The following DNAH12 variants were observed in gnomAD, a reference collection of about 807,000 sequenced individuals.
The protein encoded by DNAH12 is axonemal beta dynein heavy chain 12.
A neutral mutation model predicts 371.5 loss-of-function variants in DNAH12; 285 were observed. That is an observed-to-expected ratio of 0.77 (90% CI 0.70 to 0.85). The LOEUF is 0.85. DNAH12 is among the 40% of genes least tolerant of loss of function. The pLI is 0.00. For synonymous variants in DNAH12, 1,200 were observed against 1,213.0 expected, an observed-to-expected ratio of 0.99 and a Z score of 0.22; for missense variants, 3,611 against 3,689.4, an observed-to-expected ratio of 0.98 and a Z score of 0.55.
rs918233066 is a variant in DNAH12, at chr3:57,446,580, A to C, written c.3896T>G (p.Val1299Gly). ...LAKALAVQCV[V>G]FNCSDGLDYL... ...ATCTAGCCCATCAGAACAGTTGAAC[A>C]CCACACACTGTACAGCAAGAGCTTT... Residue 1299 changes from valine to glycine, a missense_variant, in exon 26 of 74, where the codon GTG (valine) becomes GGG (glycine). Physicochemically the swap from Val to Gly is moderately radical, Grantham distance 109. Transcript: ENST00000495027. The C allele has an allele frequency of 1.3e-6, 2 of 1,549,094 alleles. No individual in the cohort carries two copies. The highest frequency in any genetic ancestry group is 1.7e-6 in the Non-Finnish European group (2 of 1,145,942).
intron 33 of DNAH12, among the ~76,000 whole-genome samples, 186 bp downstream of exon 33, chr3:57,429,505 T>C (rs1021364977): frequency 3.9e-5 from 6 of 152,202 alleles, no homozygotes; most frequent in Admixed American, 2.6e-4. Flanking sequence ...AGCACTAACA[T>C]GTAGCTGTGT....
Position 57,376,987 on chromosome 3 carries a change from T to G in DNAH12, c.8459A>C (p.Lys2820Thr), listed in dbSNP as rs1206771699. 6.6e-6 allele frequency: 1 copy of G among 152,152 alleles called. No individual in the cohort carries two copies. Among genetic ancestry groups the G allele is most frequent in the Admixed American group, 6.6e-5 (1 of 15,258 alleles). The allele number at this position is 152,152 out of a possible 1,614,324, so 9.4% of individuals were successfully genotyped here. Reference sequence around the variant, plus strand: ...AAACAAATAGAAATCTGACCTTGATTTTTCTCCACCCAGTCCTCCAATTAA... The same window carrying G: ...AAACAAATAGAAATCTGACCTTGATGTTTCTCCACCCAGTCCTCCAATTAA... ...SQLIGGLGGE[K>T]SRWAQAADDL... Residue 2820 changes from lysine to threonine, a missense_variant, in exon 53 of 74, where the codon AAA becomes ACA. Coordinates refer to ENST00000495027, the MANE Select transcript of DNAH12 (RefSeq NM_001366028.2).
rs149920774 is a variant in DNAH12, at chr3:57,457,847, G to A, written c.3210C>T (p.Gly1070=). The A allele has an allele frequency of 5.8e-6, 9 of 1,551,564 alleles. No homozygotes were observed. Among genetic ancestry groups the A allele is most frequent in the East Asian group, 4.9e-5 (2 of 40,902 alleles). ...TGAGTGCAATCAGCTCCACTCGCTCGCCCTCAGAGCTATACATGGCTTTAA... is the reference window on the plus strand; with the variant it reads ...TGAGTGCAATCAGCTCCACTCGCTCACCCTCAGAGCTATACATGGCTTTAA... The part of the protein sequence containing the change: ...LDIKAMYSSE[G]ERVELIALIS... The change falls in exon 22 of 74, where the codon GGC becomes GGT. Residue 1070 remains glycine, a synonymous_variant. Coordinates refer to ENST00000495027, the MANE Select transcript of DNAH12 (RefSeq NM_001366028.2).
chr3:57,482,894 G>A (rs1311659319), intron 13 of DNAH12, among the ~76,000 whole-genome samples: 2 of 139,968 alleles, frequency 1.4e-5, no homozygotes, highest in South Asian at 2.5e-4. Flanking sequence ...GACACAGGAA[G>A]GGGAACATCA....
At chr3:57,298,521 G>A (rs1559531673) in intron 70 of DNAH12, among the ~76,000 whole-genome samples, 1 of 152,210 alleles carries the variant, frequency 6.6e-6, no homozygotes, top group Non-Finnish European at 1.5e-5. Flanking sequence ...AGCTCCTGGA[G>A]TTTGCAGTTA....
At chr3:57,413,535 C>CG (rs1271119449) in intron 39 of DNAH12, among the ~76,000 whole-genome samples, 15 of 151,864 alleles carry the variant, frequency 9.9e-5, no homozygotes, top group East Asian at 1.9e-4. Context: ...ATGCATGTGT[C>CG]GGGGGGCAAG....
chr3:57,503,610 A>G (rs1214854923), intron 9 of DNAH12, among the ~76,000 whole-genome samples: 2 of 151,930 alleles, frequency 1.3e-5, no homozygotes, highest in Non-Finnish European at 2.9e-5. Context: ...GATGGTCTTG[A>G]TCTCCTGACC....
chr3:57,371,671 A>G (rs1196501715), intron 55 of DNAH12, among the ~76,000 whole-genome samples: 2 of 128,322 alleles, frequency 1.6e-5, no homozygotes, highest in Non-Finnish European at 3.0e-5. Flanking sequence ...CAAAACACGC[A>G]CACACACACA....
chr3:57,295,654 T>C (rs2061218678), intron 72 of DNAH12, 62 bp from the exon 73 acceptor site: 9 of 1,403,502 alleles, frequency 6.4e-6, no homozygotes, highest in South Asian at 2.9e-5. Context: ...TGAGAACAGA[T>C]TGCTACTTAG....
At position 57,358,428 on chromosome 3, in the gene DNAH12, C is replaced by T. The variant is rs1019269755; in HGVS notation, c.9361-1080G>A. 5.0e-3 allele frequency among the ~76,000 whole-genome samples: 435 copies of T among 87,686 alleles called. 2 individuals carry two copies. Among genetic ancestry groups the T allele is most frequent in the African/African-American group, 0.013 (411 of 31,368 alleles). The allele number at this position is 87,686 out of a possible 152,430, so 57.5% of individuals were successfully genotyped here. A position where few individuals can be genotyped will look rare whatever the true frequency, so the allele number is the denominator to read the frequency against. ...GAGGAAGAGACAGAGAGTACAGAAA[C>T]TTAAGGCCTTCCGTTCATCCTTGAG... On this transcript the variant is annotated intron_variant, in intron 58 of 73. Coordinates refer to ENST00000495027, the MANE Select transcript of DNAH12 (RefSeq NM_001366028.2).
At chr3:57,300,264 A>G (rs976070741) in intron 70 of DNAH12, among the ~76,000 whole-genome samples, 1 of 152,218 alleles carries the variant, frequency 6.6e-6, no homozygotes, top group Non-Finnish European at 1.5e-5. Flanking sequence ...TGCACCCAAG[A>G]CAGAAATAAT....
chr3:57,530,057 G>A (rs2068787718), intron 2 of DNAH12, among the ~76,000 whole-genome samples: 1 of 151,866 alleles, frequency 6.6e-6, no homozygotes, highest in Admixed American at 6.6e-5. Flanking sequence ...AATTCCTCTT[G>A]TTATTGATTT....
chr3:57,315,207 C>T (rs9815580), intron 65 of DNAH12, among the ~76,000 whole-genome samples: 33,559 of 151,536 alleles, frequency 0.22, 4,357 homozygotes, highest in East Asian at 0.4. Flanking sequence ...AAGGTCCCCC[C>T]CAAGTAAATT....
chr3:57,372,014 T>C (rs2063185052), intron 55 of DNAH12, among the ~76,000 whole-genome samples: 1 of 143,174 alleles, frequency 7.0e-6, no homozygotes, highest in East Asian at 2.0e-4. Flanking sequence ...GGTTGGTTAA[T>C]AGATACAGAA....
intron 25 of DNAH12, among the ~76,000 whole-genome samples, chr3:57,447,243 A>G (rs1344876934): frequency 6.6e-6 from 1 of 152,184 alleles, no homozygotes; most frequent in Non-Finnish European, 1.5e-5. Flanking sequence ...TCTACCTTGT[A>G]TTATACTTAA....
intron 29 of DNAH12, among the ~76,000 whole-genome samples, chr3:57,439,408 C>A (rs1056483144): frequency 6.6e-5 from 10 of 152,130 alleles, no homozygotes; most frequent in Non-Finnish European, 1.2e-4. Context: ...CACCTACAGC[C>A]ACCTGATCTT....
chr3:57,465,615 A>G (rs892620477), intron 17 of DNAH12, among the ~76,000 whole-genome samples: 2 of 152,138 alleles, frequency 1.3e-5, no homozygotes, highest in Non-Finnish European at 2.9e-5. Context: ...GCCATAAAGG[A>G]AAAGAATAAA....
chr3:57,306,677 A>G (rs1363016447), intron 69 of DNAH12, among the ~76,000 whole-genome samples: 1 of 151,994 alleles, frequency 6.6e-6, no homozygotes, highest in African/African-American at 2.4e-5. Context: ...CCAATATCCC[A>G]TCCCACAGCA....
Position 57,322,471 on chromosome 3 carries a change from T to C in DNAH12, c.10396A>G (p.Ile3466Val), listed in dbSNP as rs1054408138. ...SYPSSKFPVT[I>V]LQNGVKMTNE... Reference sequence around the variant, plus strand: ...GTCATTTTTACTCCATTCTGTAGAATTGTTACTGGGAACTAAGACAAAATA... The same window carrying C: ...GTCATTTTTACTCCATTCTGTAGAACTGTTACTGGGAACTAAGACAAAATA... Residue 3466 changes from isoleucine to valine, a missense_variant, in exon 65 of 74, where the codon ATT (isoleucine) becomes GTT (valine). Coordinates refer to ENST00000495027, the MANE Select transcript of DNAH12 (RefSeq NM_001366028.2). The C allele has an allele frequency of 2.6e-6, 4 of 1,551,438 alleles. No homozygotes were observed. Among genetic ancestry groups the C allele is most frequent in the East Asian group, 2.4e-5 (1 of 40,930 alleles).
Sources: allele counts gnomAD v4.1 joint callset (sites outside exome capture counted in the v4.1 genomes callset), GRCh38; gene constraint gnomAD v4.1.1; transcripts MANE v1.5; gene names NCBI Gene and HGNC (gene_info 2026-07-23, HGNC 2026-07-21).